The following BRINP3 variants were observed in gnomAD, a reference collection of about 807,000 sequenced individuals.
BRINP3 encodes the protein BMP/retinoic acid inducible neural specific 3.
Under a neutral mutation model 71.0 loss-of-function variants are expected in BRINP3, and 19 were observed. That is an observed-to-expected ratio of 0.27 (90% CI 0.19 to 0.39). The LOEUF (loss-of-function observed/expected upper bound fraction) is 0.39, where lower values mean the gene tolerates loss of function less well. Ranked by LOEUF, BRINP3 falls within the 10% of genes least tolerant of loss-of-function variation. BRINP3 has a pLI of 1.00. For missense variants in BRINP3, 959 were observed against 940.8 expected (o/e 1.02, Z -0.25); for synonymous variants, 380 against 337.7 (o/e 1.13, Z -1.37).
intron 2 of BRINP3, among the ~76,000 whole-genome samples, chr1:190,408,042 G>C (rs1350938119): frequency 9.8e-5 from 2 of 20,470 alleles, no homozygotes; most frequent in African/African-American, 2.9e-4. Flanking sequence ...TTTTTTTTGA[G>C]ATGGAGTCTC....
chr1:190,466,953 T>TA (rs142434101), intron 1 of BRINP3, among the ~76,000 whole-genome samples: 1 of 151,486 alleles, frequency 6.6e-6, no homozygotes, highest in East Asian at 1.9e-4. Context: ...ATTTTGGAGA[T>TA]AAAAAAACAC....
At chr1:190,302,595 A>T (rs1664814742) in intron 2 of BRINP3, 1 of 151,784 alleles carries the variant, frequency 6.6e-6, no homozygotes, top group African/African-American at 2.4e-5. Flanking sequence ...TGTCCAACTT[A>T]ATTATTCAAC....
At chr1:190,142,158 A>G (rs1356245910) in intron 7 of BRINP3, among the ~76,000 whole-genome samples, 1 of 152,202 alleles carries the variant, frequency 6.6e-6, no homozygotes, top group Non-Finnish European at 1.5e-5. Context: ...ATGGCAATCC[A>G]CATTCTGGTT....
At chr1:190,444,680 C>T (rs1202577877) in intron 2 of BRINP3, among the ~76,000 whole-genome samples, 1 of 151,930 alleles carries the variant, frequency 6.6e-6, no homozygotes, top group Non-Finnish European at 1.5e-5. Flanking sequence ...GATTTACAGG[C>T]GCGCACCAGT....
intron 1 of BRINP3, chr1:190,474,725 C>T (rs956160779): frequency 1.3e-5 from 2 of 152,160 alleles, no homozygotes; most frequent in African/African-American, 4.8e-5. Flanking sequence ...CTCTAAAGGG[C>T]TGATCACGTT....
chr1:190,144,929 C>T (rs1412580939), intron 7 of BRINP3, among the ~76,000 whole-genome samples: 2 of 152,124 alleles, frequency 1.3e-5, no homozygotes, highest in Non-Finnish European at 2.9e-5. Flanking sequence ...ATATGGCATA[C>T]TGCATTCTCA....
chr1:190,380,060 A>T lies in BRINP3; in HGVS notation c.236+74595T>A, dbSNP rs148169291. On this transcript the variant is annotated intron_variant, in intron 2 of 7. Coordinates refer to ENST00000367462, the MANE Select transcript of BRINP3 (RefSeq NM_199051.3). Reference sequence around the variant, plus strand: ...AAAAGAATATTTTTATTTAAGATACAGATGTGATCTAACTTACATTCCTAA... The same window carrying T: ...AAAAGAATATTTTTATTTAAGATACTGATGTGATCTAACTTACATTCCTAA... Among the ~76,000 whole-genome samples the T allele has an allele frequency of 5.2e-3, 786 of 152,092 alleles. 8 individuals are homozygous for T. Among genetic ancestry groups the T allele is most frequent in the African/African-American group, 0.018 (735 of 41,508 alleles).
At chr1:190,400,075 T>C (rs1217354105) in intron 2 of BRINP3, among the ~76,000 whole-genome samples, 1 of 152,108 alleles carries the variant, frequency 6.6e-6, no homozygotes, top group Non-Finnish European at 1.5e-5. Flanking sequence ...AAGGTTGATA[T>C]GGAAGATACA....
intron 4 of BRINP3, among the ~76,000 whole-genome samples, chr1:190,259,516 C>T (rs1359799394): frequency 6.6e-6 from 1 of 151,112 alleles, no homozygotes; most frequent in African/African-American, 2.4e-5. Flanking sequence ...GAAAAACCCA[C>T]AGATAACATC....
At chr1:190,352,989 G>T (rs565951608) in intron 2 of BRINP3, among the ~76,000 whole-genome samples, 1 of 150,904 alleles carries the variant, frequency 6.6e-6, no homozygotes, top group African/African-American at 2.4e-5. Flanking sequence ...ATGGGTGTTT[G>T]CTATTTAGGA....
chr1:190,250,792 T>C (rs1250078208), intron 4 of BRINP3, among the ~76,000 whole-genome samples: 1 of 152,002 alleles, frequency 6.6e-6, no homozygotes, highest in Non-Finnish European at 1.5e-5. Context: ...AAACCTCTTT[T>C]CCAACCACCA....
At chr1:190,150,758 A>G (rs763344332) in intron 7 of BRINP3, among the ~76,000 whole-genome samples, 2 of 152,194 alleles carry the variant, frequency 1.3e-5, no homozygotes, top group Non-Finnish European at 2.9e-5. Flanking sequence ...TTCCTCTTTT[A>G]TGCATGCACG....
chr1:190,225,064 C>T lies in BRINP3; in HGVS notation c.961+1018G>A, dbSNP rs1657224637. Among the ~76,000 whole-genome samples, 9 of 151,940 alleles carry T rather than the reference C, an allele frequency of 5.9e-5. No individual in the cohort carries two copies. The South Asian group carries it at 1.9e-3, about 31-fold the overall frequency. ...ATTAGTAGAGCCACTAAGGAGAACT[C>T]TATGGAGTTTGCTCAAACACCTAAA... On this transcript the variant is annotated intron_variant, in intron 6 of 7. Coordinates refer to ENST00000367462, the MANE Select transcript of BRINP3 (RefSeq NM_199051.3).
At chr1:190,158,082 A>G (rs1657022236) in intron 7 of BRINP3, among the ~76,000 whole-genome samples, 1 of 152,114 alleles carries the variant, frequency 6.6e-6, no homozygotes, top group Non-Finnish European at 1.5e-5. Context: ...GTTCCCACCC[A>G]AATCTCATCT....
intron 7 of BRINP3, among the ~76,000 whole-genome samples, chr1:190,133,323 T>G (rs532555229): frequency 1.3e-5 from 2 of 152,228 alleles, no homozygotes; most frequent in Non-Finnish European, 2.9e-5. Flanking sequence ...AATGATTAAT[T>G]TAACAAATAT....
chr1:190,160,954 C>T (rs952105344), intron 6 of BRINP3, 64 bp from the exon 7 acceptor site: 13 of 1,149,102 alleles, frequency 1.1e-5, no homozygotes, highest in Admixed American at 1.1e-4. Context: ...TTCACAAACA[C>T]GTATGTCAAT....
rs1326768038 is a variant in BRINP3, at chr1:190,453,528, T to A, written c.236+1127A>T. On this transcript the variant is annotated intron_variant, in intron 2 of 7. Coordinates refer to ENST00000367462, the MANE Select transcript of BRINP3 (RefSeq NM_199051.3). Reference sequence around the variant, plus strand: ...CACCACGCCCAGCCTCGTCATTTCATTTATTTAAAAAATAGAGTAAATCTT... The same window carrying A: ...CACCACGCCCAGCCTCGTCATTTCAATTATTTAAAAAATAGAGTAAATCTT... 2.0e-5 allele frequency among the ~76,000 whole-genome samples: 3 copies of A among 152,222 alleles called. No homozygotes were observed. The East Asian group carries it at 5.8e-4, about 29-fold the overall frequency.
At chr1:190,271,564 A>G (rs1427601809) in intron 3 of BRINP3, among the ~76,000 whole-genome samples, 2 of 151,548 alleles carry the variant, frequency 1.3e-5, no homozygotes, top group Non-Finnish European at 3.0e-5. Context: ...TAGCTAGTTT[A>G]TCTTATTTGT....
chr1:190,219,392 A>G (rs1656678208), intron 6 of BRINP3, among the ~76,000 whole-genome samples: 1 of 152,134 alleles, frequency 6.6e-6, no homozygotes, highest in Non-Finnish European at 1.5e-5. Context: ...TATTAGAGAA[A>G]TTTAACAAAG....
Sources: allele counts gnomAD v4.1 joint callset (sites outside exome capture counted in the v4.1 genomes callset), GRCh38; gene constraint gnomAD v4.1.1; transcripts MANE v1.5; gene names NCBI Gene and HGNC (gene_info 2026-07-23, HGNC 2026-07-21).